Variants in MBP observed in about 807,000 individuals in gnomAD.
The protein encoded by MBP is Golli-MBP.
In MBP, 16 loss-of-function variants were observed where a neutral mutation model predicts 35.8. That is an observed-to-expected ratio of 0.45 (90% CI 0.30 to 0.68). The LOEUF (loss-of-function observed/expected upper bound fraction) is 0.68. MBP is among the 30% of genes least tolerant of loss of function. The pLI is 0.08. For synonymous variants in MBP, 143 were observed against 159.6 expected (o/e 0.90, Z 0.78); for missense variants, 380 against 404.7 (o/e 0.94, Z 0.52).
intron 7 of MBP, 183 bp from the exon 8 acceptor site, chr18:76,985,077 C>A: frequency 6.6e-7 from 1 of 1,507,390 alleles, no homozygotes; most frequent in Non-Finnish European, 8.9e-7. Flanking sequence ...GCTGCTCCCC[C>A]AGGTCTACCA....
chr18:77,032,576 A>G (rs1346915159), intron 3 of MBP, among the ~76,000 whole-genome samples: 1 of 152,200 alleles, frequency 6.6e-6, no homozygotes, highest in Non-Finnish European at 1.5e-5. Flanking sequence ...CTGGCCAGTC[A>G]CCCCTGTGAG....
At chr18:77,037,045 C>G (rs973135774) in intron 3 of MBP, among the ~76,000 whole-genome samples, 20 of 139,674 alleles carry the variant, frequency 1.4e-4, no homozygotes, top group Non-Finnish European at 2.6e-4. Flanking sequence ...TGAGTAAGTG[C>G]TGGTCACATT....
At chr18:77,008,518 G>A (rs1015897945) in intron 4 of MBP, among the ~76,000 whole-genome samples, 12 of 152,094 alleles carry the variant, frequency 7.9e-5, no homozygotes, top group African/African-American at 2.4e-4. Context: ...ACCCCCTCAG[G>A]GTGCATGGTT....
chr18:76,983,237 A>G (rs1047991429), intron 8 of MBP: 7 of 152,218 alleles, frequency 4.6e-5, no homozygotes, highest in Non-Finnish European at 8.8e-5. Flanking sequence ...AGTTTTCCAG[A>G]TGGGATGAAT....
In MBP at chr18:77,028,823, CG is replaced by C. The variant is rs1568301392; in HGVS notation, c.140-11556del. ...CTCCTGACTTCTCAGACGGGGCGGCCGGGCAGAGACGCTCCTCACTTCCCAG... is the reference window on the plus strand; with the variant it reads ...CTCCTGACTTCTCAGACGGGGCGGCCGGCAGAGACGCTCCTCACTTCCCAG... On this transcript the variant is annotated intron_variant, in intron 3 of 8. Transcript: ENST00000355994. Among the ~76,000 whole-genome samples, 2 of 100,890 alleles carry C rather than the reference CG, an allele frequency of 2.0e-5. 1 individual carries two copies. Among genetic ancestry groups the C allele is most frequent in the Non-Finnish European group, 5.0e-5 (2 of 39,826 alleles). The allele number at this position is 100,890 out of a possible 152,430, so 66.2% of individuals were successfully genotyped here. A position where few individuals can be genotyped will look rare whatever the true frequency, so the allele number is the denominator to read the frequency against.
chr18:77,009,741 G>T (rs3752070), intron 4 of MBP: 5 of 971,480 alleles, frequency 5.1e-6, no homozygotes, highest in Non-Finnish European at 7.7e-6. Context: ...GAGGCTGGGG[G>T]TGGGCCCCTG....
chr18:77,101,172 TG>T lies in MBP; in HGVS notation c.51+4038del, dbSNP rs1405090629. Among the ~76,000 whole-genome samples, 1 of 152,206 alleles carries T rather than the reference TG, an allele frequency of 6.6e-6. No individual in the cohort carries two copies. Among genetic ancestry groups the T allele is most frequent in the Non-Finnish European group, 1.5e-5 (1 of 68,032 alleles). On this transcript the variant is annotated intron_variant, in intron 2 of 8. Transcript: ENST00000355994. This position sits in a 1 kb window ranked among gnomAD's most constrained non-coding sequence, Gnocchi z 4.3. ...CTGCCTAAGACAGGGCATCCCTCTGTGGGTGGGTCTTGCCCCCTGCCCCTCT... is the reference window on the plus strand; with the variant it reads ...CTGCCTAAGACAGGGCATCCCTCTGTGGTGGGTCTTGCCCCCTGCCCCTCT...
At chr18:77,046,709 C>T (rs1167952799) in intron 3 of MBP, among the ~76,000 whole-genome samples, 1 of 152,260 alleles carries the variant, frequency 6.6e-6, no homozygotes, top group African/African-American at 2.4e-5. Context: ...TGTGGTTCCA[C>T]ATTATTCCAT....
rs539030752 is a variant in MBP, at chr18:76,979,832, G to A, written c.*595C>T. On this transcript the variant is annotated 3_prime_UTR_variant, in exon 9 of 9. Coordinates refer to ENST00000355994, the MANE Select transcript of MBP (RefSeq NM_001025101.2). ...TGGCCCCCTCTCTGTGCTGCCCCAC[G>A]TTGGACTCTAACAGCTGCCCAGCCC... The A allele has an allele frequency of 1.1e-4, 69 of 639,984 alleles. 1 individual carries two copies. Among genetic ancestry groups the A allele is most frequent in the Non-Finnish European group, 1.9e-4 (67 of 355,790 alleles). 39.6% of individuals were successfully genotyped at this position (639,984 alleles called of 1,614,324 possible).
chr18:77,129,181 C>T (rs759207808), intron 1 of MBP, among the ~76,000 whole-genome samples: 2 of 152,208 alleles, frequency 1.3e-5, no homozygotes, highest in Non-Finnish European at 2.9e-5. Flanking sequence ...GTCTGTTTCT[C>T]CTCATCTTTT....
rs1038788229 is a variant in MBP at position 77,118,308 on chromosome 18, G to A, written c.-25-13022C>T. Among the ~76,000 whole-genome samples the A allele has an allele frequency of 9.9e-5, 15 of 151,848 alleles. 1 individual carries two copies. Among genetic ancestry groups the A allele is most frequent in the Non-Finnish European group, 2.9e-5 (2 of 67,912 alleles). Reference sequence around the variant, plus strand: ...CCCTAGGGTGGATTGGCCTCAGCCCGACTGCTTGGTCTCTCTGAGCTCCAC... The same window carrying A: ...CCCTAGGGTGGATTGGCCTCAGCCCAACTGCTTGGTCTCTCTGAGCTCCAC... On this transcript the variant is annotated intron_variant, in intron 1 of 8. Transcript: ENST00000355994.
chr18:77,004,654 TCAGCTCCTTGCAGAGGATG>T (rs989307272), intron 4 of MBP: 1 of 152,232 alleles, frequency 6.6e-6, no homozygotes, highest in African/African-American at 2.4e-5. Flanking sequence ...GGCTGTTACC[TCAGCTCCTTGCAGAGGATG>T]CAGCTCCTTG....
intron 3 of MBP, among the ~76,000 whole-genome samples, chr18:77,046,278 C>T (rs559740573): frequency 2.6e-5 from 4 of 152,200 alleles, no homozygotes; most frequent in Admixed American, 1.3e-4. Flanking sequence ...TTCTCAGGCA[C>T]GGAAGCTTAC....
intron 3 of MBP, among the ~76,000 whole-genome samples, chr18:77,025,268 C>T (rs1213396104): frequency 2.6e-5 from 4 of 152,168 alleles, no homozygotes; most frequent in Non-Finnish European, 5.9e-5. Flanking sequence ...TAAAATTGAA[C>T]TGCAGATAAT....
At chr18:77,010,037 G>A in intron 4 of MBP, 2 of 725,418 alleles carry the variant, frequency 2.8e-6, no homozygotes, top group South Asian at 1.6e-5. Flanking sequence ...AGCCCAGAGT[G>A]AGGAGGAGTG....
chr18:76,980,714 G>GT (rs1969143330), intron 8 of MBP: 1 of 539,480 alleles, frequency 1.9e-6, no homozygotes, highest in Non-Finnish European at 3.3e-6. Context: ...GCCCCAGGGA[G>GT]TGGTGCCTGG....
chr18:77,052,806 C>A (rs1168148285), intron 3 of MBP, among the ~76,000 whole-genome samples: 1 of 152,128 alleles, frequency 6.6e-6, no homozygotes, highest in Non-Finnish European at 1.5e-5. Flanking sequence ...AACACCGGGC[C>A]TGAGTCCCCG....
intron 3 of MBP, among the ~76,000 whole-genome samples, chr18:77,025,226 C>T (rs779272994): frequency 3.9e-5 from 6 of 152,216 alleles, no homozygotes; most frequent in Admixed American, 2.0e-4. Context: ...CCCAAAGTGG[C>T]TTTCACTGCA....
At chr18:77,019,677 G>T (rs1395819049) in intron 3 of MBP, among the ~76,000 whole-genome samples, 3 of 152,212 alleles carry the variant, frequency 2.0e-5, no homozygotes, top group African/African-American at 7.2e-5. Flanking sequence ...TTCACATCAG[G>T]CAAGAGAACA....
Sources: gnomAD v4.1 joint callset for allele counts (sites outside exome capture counted in the v4.1 genomes callset) on GRCh38, gnomAD v4.1.1 for gene constraint, Gnocchi (gnomAD v3.1) non-coding constraint, MANE v1.5 for transcripts, NCBI Gene and HGNC (gene_info 2026-07-23, HGNC 2026-07-21) for gene names.